LRRC3B: variants seen among roughly 807,000 people sequenced by gnomAD.
LRRC3B encodes leucine rich repeat containing 3B, also known as leucine-rich repeat-containing protein 3B.
LRRC3B carries 2 observed loss-of-function variants against 12.8 expected under a neutral mutation model. The observed-to-expected ratio is 0.16, with a 90% CI of 0.06 to 0.49. The LOEUF (loss-of-function observed/expected upper bound fraction) is 0.49. Ranked by LOEUF, LRRC3B falls within the 20% of genes least tolerant of loss-of-function variation. LRRC3B has a pLI of 0.96. For missense variants in LRRC3B, 189 were observed against 319.4 expected, an observed-to-expected ratio of 0.59 and a Z score of 3.11; for synonymous variants, 132 against 122.0, an observed-to-expected ratio of 1.08 and a Z score of -0.54.
intron 1 of LRRC3B, among the ~76,000 whole-genome samples, chr3:26,674,375 T>A (rs1253266159): frequency 6.6e-6 from 1 of 152,238 alleles, no homozygotes; most frequent in Non-Finnish European, 1.5e-5. Flanking sequence ...AAAAAAAGTT[T>A]AAGCTTTTGA....
chr3:26,687,127 C>G (rs905953395), intron 1 of LRRC3B, among the ~76,000 whole-genome samples: 9 of 152,138 alleles, frequency 5.9e-5, no homozygotes, highest in African/African-American at 2.2e-4. Context: ...TAGTCCAACC[C>G]TTTCTTATAA....
chr3:26,686,321 C>T (rs888768255), intron 1 of LRRC3B, among the ~76,000 whole-genome samples: 21 of 152,290 alleles, frequency 1.4e-4, no homozygotes, highest in South Asian at 8.3e-4. Context: ...CCTCGTGATC[C>T]GCCTGCCTTG....
At chr3:26,690,934 A>C (rs1026872339) in intron 1 of LRRC3B, among the ~76,000 whole-genome samples, 6 of 151,358 alleles carry the variant, frequency 4.0e-5, no homozygotes, top group Non-Finnish European at 8.8e-5. Context: ...ATTTTGTATG[A>C]CTTCATTGTT....
At chr3:26,655,181 T>G (rs2125417988) in intron 1 of LRRC3B, among the ~76,000 whole-genome samples, 1 of 152,302 alleles carries the variant, frequency 6.6e-6, no homozygotes. Context: ...AAAAATTGTT[T>G]CTTCTTAGAT....
intron 1 of LRRC3B, among the ~76,000 whole-genome samples, chr3:26,657,533 A>C (rs1699397383): frequency 6.6e-6 from 1 of 152,206 alleles, no homozygotes; most frequent in South Asian, 2.1e-4. Context: ...TAGTGATCAC[A>C]TTCTAACTTT....
chr3:26,653,770 C>T (rs56042302), intron 1 of LRRC3B, among the ~76,000 whole-genome samples: 1 of 152,008 alleles, frequency 6.6e-6, no homozygotes, highest in Non-Finnish European at 1.5e-5. Flanking sequence ...CACTGTGAAC[C>T]GTTTGTTTCT....
In LRRC3B at chr3:26,697,532, A is replaced by G. The variant is rs140758110; in HGVS notation, c.-160-11981A>G. Among the ~76,000 whole-genome samples the G allele has an allele frequency of 8.7e-4, 132 of 152,284 alleles. 1 individual carries two copies. In the East Asian group the frequency reaches 0.024, roughly 28 times the overall value. The stretch of plus-strand genomic sequence containing the variant: ...TCATCTGCAAAGATTCTTTTTCCAT[A>G]CAAGGTAACATTCACAGGTTCCAGA... On this transcript the variant is annotated intron_variant, in intron 1 of 1. Coordinates refer to ENST00000396641, the Ensembl canonical transcript of LRRC3B.
intron 1 of LRRC3B, among the ~76,000 whole-genome samples, chr3:26,684,224 A>AG (rs1388412166): frequency 6.6e-6 from 1 of 152,244 alleles, no homozygotes; most frequent in East Asian, 1.9e-4. Flanking sequence ...CCAAGGAACC[A>AG]GGGGTGAAAG....
At chr3:26,683,462 A>T (rs768398424) in intron 1 of LRRC3B, among the ~76,000 whole-genome samples, 5 of 152,212 alleles carry the variant, frequency 3.3e-5, no homozygotes, top group Non-Finnish European at 5.9e-5. Flanking sequence ...AGAGAAATAA[A>T]CAAGGGGGTT....
chr3:26,651,907 G>A (rs980142327), intron 1 of LRRC3B, among the ~76,000 whole-genome samples: 21 of 152,132 alleles, frequency 1.4e-4, no homozygotes, highest in Non-Finnish European at 2.1e-4. Flanking sequence ...TTATCTCAAT[G>A]GATTCTCAAG....
intron 1 of LRRC3B, among the ~76,000 whole-genome samples, chr3:26,706,411 C>T (rs964992214): frequency 3.9e-5 from 6 of 152,162 alleles, no homozygotes; most frequent in Non-Finnish European, 5.9e-5. Context: ...GTCACAGTAG[C>T]TCAGCAATAT....
intron 1 of LRRC3B, among the ~76,000 whole-genome samples, chr3:26,656,304 A>T (rs1405145778): frequency 6.6e-6 from 1 of 152,092 alleles, no homozygotes; most frequent in Non-Finnish European, 1.5e-5. Context: ...CCACAACAAA[A>T]GTTTATTTCT....
intron 1 of LRRC3B, among the ~76,000 whole-genome samples, chr3:26,661,297 C>T (rs1275252303): frequency 2.0e-5 from 3 of 152,154 alleles, no homozygotes; most frequent in Non-Finnish European, 4.4e-5. Flanking sequence ...AGAGCAAGTA[C>T]CCATACTTTA....
At chr3:26,691,879 G>C (rs1201451636) in intron 1 of LRRC3B, among the ~76,000 whole-genome samples, 1 of 152,196 alleles carries the variant, frequency 6.6e-6, no homozygotes, top group Non-Finnish European at 1.5e-5. Context: ...TGTTTCATCA[G>C]AATTGCCAAG....
intron 1 of LRRC3B, among the ~76,000 whole-genome samples, chr3:26,649,017 C>T (rs1699211042): frequency 6.6e-6 from 1 of 152,240 alleles, no homozygotes; most frequent in Non-Finnish European, 1.5e-5. Flanking sequence ...TTAAGTAGTA[C>T]AGAATAAATC....
intron 1 of LRRC3B, among the ~76,000 whole-genome samples, chr3:26,646,617 A>G (rs1241308793): frequency 1.2e-4 from 8 of 64,140 alleles, no homozygotes; most frequent in African/African-American, 2.7e-4. Context: ...AAAAAAAAAA[A>G]AAAAAAAAAA....
At chr3:26,692,497 T>A (rs1404650776) in intron 1 of LRRC3B, among the ~76,000 whole-genome samples, 1 of 152,228 alleles carries the variant, frequency 6.6e-6, no homozygotes, top group Non-Finnish European at 1.5e-5. Flanking sequence ...CTTAGAACAT[T>A]ATTGACTGTC....
chr3:26,697,283 A>G (rs1321681609), intron 1 of LRRC3B, among the ~76,000 whole-genome samples: 1 of 152,204 alleles, frequency 6.6e-6, no homozygotes, highest in Non-Finnish European at 1.5e-5. Context: ...TCCAAAGACT[A>G]TAAAGGACAA....
chr3:26,689,148 C>T (rs1700142652), intron 1 of LRRC3B, among the ~76,000 whole-genome samples: 1 of 152,112 alleles, frequency 6.6e-6, no homozygotes, highest in African/African-American at 2.4e-5. Context: ...ACTCCATCTC[C>T]CTAAGGGTTG....
Sources: gnomAD v4.1 joint callset for allele counts (sites outside exome capture counted in the v4.1 genomes callset) on GRCh38, gnomAD v4.1.1 for gene constraint, MANE v1.5 for transcripts, NCBI Gene and HGNC (gene_info 2026-07-23, HGNC 2026-07-21) for gene names.